Variants in DOCK1 observed in about 807,000 individuals in gnomAD.
DOCK1 encodes dedicator of cytokinesis protein 1.
DOCK1 carries 138 observed loss-of-function variants against 262.7 expected under a neutral mutation model. That is an observed-to-expected ratio of 0.53 (90% confidence interval 0.46 to 0.61). The LOEUF is 0.61. Ranked by LOEUF, DOCK1 falls within the 20% of genes least tolerant of loss-of-function variation. The probability of loss-of-function intolerance (pLI) is 0.00; values close to 1 mark genes in which losing one functional copy is unlikely to be tolerated. For synonymous variants in DOCK1, 866 were observed against 867.4 expected, an observed-to-expected ratio of 1.00 and a Z score of 0.03; for missense variants, 1,908 against 2,370.7, an observed-to-expected ratio of 0.80 and a Z score of 4.05.
At chr10:127,082,680 G>T (rs1480898509) in intron 23 of DOCK1, among the ~76,000 whole-genome samples, 1 of 152,034 alleles carries the variant, frequency 6.6e-6, no homozygotes, top group East Asian at 1.9e-4. Context: ...ACCATATCAG[G>T]GTTGCAGAGG....
chr10:127,371,492 C>T lies in DOCK1; in HGVS notation c.3433-2289C>T, dbSNP rs1015969878. Among the ~76,000 whole-genome samples the T allele has an allele frequency of 5.3e-5, 8 of 152,120 alleles. No individual in the cohort carries two copies. The East Asian group carries it at 7.7e-4, about 15-fold the overall frequency. ...TTACATGGAAGCAGAGAAAACATGC[C>T]GTTTTCATAACCTACACTCTGTGTT... On this transcript the variant is annotated intron_variant, in intron 33 of 51. Coordinates refer to ENST00000623213, the MANE Select transcript of DOCK1 (RefSeq NM_001290223.2).
intron 33 of DOCK1, among the ~76,000 whole-genome samples, chr10:127,363,030 TGCACCTCCCCCCACACACACAC>T (rs2064673793): frequency 2.5e-5 from 2 of 81,270 alleles, no homozygotes; most frequent in Admixed American, 1.5e-4. Flanking sequence ...CACACACACA[TGCACCTCCCCCCACACACACAC>T]ACGTACATCC....
intron 35 of DOCK1, among the ~76,000 whole-genome samples, chr10:127,375,404 C>T (rs1365416459): frequency 6.6e-6 from 1 of 152,244 alleles, no homozygotes; most frequent in Non-Finnish European, 1.5e-5. Flanking sequence ...CTCTGCCCAG[C>T]CACTGGCCTC....
chr10:127,421,036 C>T (rs2134494818), intron 46 of DOCK1, among the ~76,000 whole-genome samples: 1 of 152,044 alleles, frequency 6.6e-6, no homozygotes, highest in African/African-American at 2.4e-5. Flanking sequence ...CCTGCCTTAG[C>T]CTTCCAAGTA....
intron 23 of DOCK1, among the ~76,000 whole-genome samples, chr10:127,094,191 C>T (rs1293874997): frequency 6.6e-6 from 1 of 152,098 alleles, no homozygotes. Context: ...GAGAACCTGT[C>T]TCAAAAACAG....
chr10:127,312,443 T>A (rs2062096383), intron 29 of DOCK1, among the ~76,000 whole-genome samples: 1 of 152,182 alleles, frequency 6.6e-6, no homozygotes, highest in Non-Finnish European at 1.5e-5. Flanking sequence ...GGGCACAGGC[T>A]GCTTCTTGCA....
chr10:127,397,534 T>A (rs1375218648), intron 38 of DOCK1, among the ~76,000 whole-genome samples: 4 of 135,236 alleles, frequency 3.0e-5, no homozygotes, highest in South Asian at 2.5e-4. Flanking sequence ...ACGGGCGGTG[T>A]CTCCTATGTG....
chr10:127,131,563 C>A (rs1005758437), intron 27 of DOCK1, among the ~76,000 whole-genome samples: 2 of 152,150 alleles, frequency 1.3e-5, no homozygotes, highest in Non-Finnish European at 2.9e-5. Context: ...CCACGAGCCC[C>A]CTCTCTGGAG....
chr10:127,048,268 G>C (rs1388504905), intron 21 of DOCK1, among the ~76,000 whole-genome samples: 1 of 152,154 alleles, frequency 6.6e-6, no homozygotes, highest in Admixed American at 6.5e-5. Flanking sequence ...ATGATACTGA[G>C]TACCTGTTTA....
At position 127,374,217 on chromosome 10, in the gene DOCK1, G is replaced by A; in HGVS notation, c.3675+3G>A. The A allele has an allele frequency of 6.2e-7, 1 of 1,605,058 alleles. No individual in the cohort carries two copies. The highest frequency in any genetic ancestry group is 8.5e-7 in the Non-Finnish European group (1 of 1,176,510). ...TGAGCTGCACCGTCAATGTGCTGGT[G>A]AGTGAAAGCTTAATCACGTTTTTTC... On this transcript the variant is annotated splice_donor_region_variant and intron_variant, in intron 35 of 51. Coordinates refer to ENST00000623213, the MANE Select transcript of DOCK1 (RefSeq NM_001290223.2).
chr10:127,148,366 C>T (rs1340999294), intron 27 of DOCK1, among the ~76,000 whole-genome samples: 2 of 152,190 alleles, frequency 1.3e-5, no homozygotes, highest in South Asian at 2.1e-4. Context: ...CGAGAAGATT[C>T]TAAATTCTGG....
intron 21 of DOCK1, among the ~76,000 whole-genome samples, chr10:127,051,228 A>G (rs551559382): frequency 9.2e-5 from 14 of 152,146 alleles, no homozygotes; most frequent in African/African-American, 2.9e-4. Flanking sequence ...TAAACAGACT[A>G]AGAGTATAGT....
At chr10:126,962,655 A>G (rs1702211605) in intron 1 of DOCK1, among the ~76,000 whole-genome samples, 1 of 152,202 alleles carries the variant, frequency 6.6e-6, no homozygotes, top group African/African-American at 2.4e-5. Flanking sequence ...GGATTTGTAA[A>G]TACTTTCTCC....
At chr10:127,247,254 C>T (rs1590107042) in intron 27 of DOCK1, among the ~76,000 whole-genome samples, 1 of 152,146 alleles carries the variant, frequency 6.6e-6, no homozygotes, top group African/African-American at 2.4e-5. Flanking sequence ...TTTCTTTTTT[C>T]CTCCTTCTTT....
In DOCK1 at chr10:127,125,362, C is replaced by T. The variant is rs544854342; in HGVS notation, c.2624-112C>T. 51 of 1,464,216 alleles carry T rather than the reference C, an allele frequency of 3.5e-5. No homozygotes were observed. The East Asian group carries it at 7.0e-4, about 20-fold the overall frequency. The allele number at this position is 1,464,216 out of a possible 1,614,324, so 90.7% of individuals were successfully genotyped here. A position where few individuals can be genotyped will look rare whatever the true frequency, so the allele number is the denominator to read the frequency against. On this transcript the variant is annotated intron_variant, in intron 25 of 51. Transcript: ENST00000623213. ...GACCCCCCTCCAGATGTCAGTTCCA[C>T]GTGTTGCACAACGTGAATGCAAACT...
intron 1 of DOCK1, among the ~76,000 whole-genome samples, chr10:126,926,029 G>A (rs12778399): frequency 2.6e-5 from 4 of 151,798 alleles, no homozygotes; most frequent in African/African-American, 9.7e-5. Flanking sequence ...TTAGTTAACC[G>A]CTCTGAGCCT....
chr10:126,951,097 A>G lies in DOCK1; in HGVS notation c.47-19605A>G, dbSNP rs933479519. Among the ~76,000 whole-genome samples the G allele has an allele frequency of 9.0e-5, 13 of 144,556 alleles. 1 individual carries two copies. The highest frequency in any genetic ancestry group is 5.6e-5 in the African/African-American group (2 of 35,682). 94.8% of individuals were successfully genotyped at this position (144,556 alleles called of 152,430 possible). The stretch of plus-strand genomic sequence containing the variant: ...TGGTAGTGTTTTTAGTATTGATGAT[A>G]GTGGTGGTAGTGTTGTTGGTAGTAT... On this transcript the variant is annotated intron_variant, in intron 1 of 51. Transcript: ENST00000623213.
intron 31 of DOCK1, among the ~76,000 whole-genome samples, chr10:127,348,281 G>A (rs1312444705): frequency 1.3e-5 from 2 of 152,024 alleles, no homozygotes; most frequent in Non-Finnish European, 2.9e-5. Flanking sequence ...CTGACCAGCA[G>A]CTCTTCCTCC....
At chr10:127,131,887 G>T (rs2050348783) in intron 27 of DOCK1, among the ~76,000 whole-genome samples, 1 of 152,118 alleles carries the variant, frequency 6.6e-6, no homozygotes, top group Admixed American at 6.5e-5. Flanking sequence ...TGGAAATTAT[G>T]TAACTATGAA....
Sources: allele counts gnomAD v4.1 joint callset (sites outside exome capture counted in the v4.1 genomes callset), GRCh38; gene constraint gnomAD v4.1.1; transcripts MANE v1.5; gene names NCBI Gene and HGNC (gene_info 2026-07-23, HGNC 2026-07-21).